Variants in SLC24A4 observed in about 807,000 individuals in gnomAD.
SLC24A4 encodes sodium/potassium/calcium exchanger 4.
SLC24A4 carries 53 observed loss-of-function variants against 79.0 expected under a neutral mutation model. The observed-to-expected ratio is 0.67, with a 90% CI of 0.54 to 0.84. The LOEUF (loss-of-function observed/expected upper bound fraction) is 0.84. SLC24A4 is among the 40% of genes least tolerant of loss of function. SLC24A4 has a pLI of 0.00. For missense variants in SLC24A4, 731 were observed against 822.0 expected, an observed-to-expected ratio of 0.89 and a Z score of 1.35; for synonymous variants, 323 against 323.8, an observed-to-expected ratio of 1.00 and a Z score of 0.03.
At chr14:92,342,179 G>T (rs938119610) in intron 2 of SLC24A4, among the ~76,000 whole-genome samples, 16 of 152,042 alleles carry the variant, frequency 1.1e-4, no homozygotes, top group African/African-American at 3.4e-4. Flanking sequence ...GGATCCAAGA[G>T]ATCACGGAGG....
Position 92,323,985 on chromosome 14 carries a change from T to C in SLC24A4, c.130+25T>C, listed in dbSNP as rs766408948. 1.9e-6 allele frequency: 3 copies of C among 1,603,334 alleles called. No homozygotes were observed. Among genetic ancestry groups the C allele is most frequent in the Middle Eastern group, 3.3e-4 (2 of 6,024 alleles). ...GGTGGGTGCTGGTACGGGTCCCCTCTTCCTGGGGAGTTGGGGGCTTTGGCT... is the reference window on the plus strand; with the variant it reads ...GGTGGGTGCTGGTACGGGTCCCCTCCTCCTGGGGAGTTGGGGGCTTTGGCT... On this transcript the variant is annotated intron_variant, in intron 1 of 16. Coordinates refer to ENST00000532405, the MANE Select transcript of SLC24A4 (RefSeq NM_153646.4). The surrounding 1 kb of genome is among the most constrained non-coding windows in gnomAD (Gnocchi z 4.9).
intron 2 of SLC24A4, among the ~76,000 whole-genome samples, chr14:92,403,099 G>T (rs1247724434): frequency 6.6e-6 from 1 of 152,106 alleles, no homozygotes; most frequent in East Asian, 1.9e-4. Context: ...AGGGGACAGG[G>T]AGTTGAGAAG....
intron 10 of SLC24A4, chr14:92,453,223 T>A (rs1260296688): frequency 6.6e-6 from 1 of 152,302 alleles, no homozygotes. Context: ...TGTCAGGGTT[T>A]ATAGTCACTG....
intron 3 of SLC24A4, among the ~76,000 whole-genome samples, chr14:92,437,703 C>G (rs573824206): frequency 4.8e-4 from 73 of 152,276 alleles, no homozygotes; most frequent in African/African-American, 1.7e-3. Context: ...TGCTGGATCT[C>G]AAGTTGCCAT....
At chr14:92,462,082 C>T (rs1208034738) in intron 12 of SLC24A4, 2 of 152,200 alleles carry the variant, frequency 1.3e-5, no homozygotes, top group Admixed American at 1.3e-4. Context: ...TGCGGGGCTC[C>T]CCGAGTCACA....
rs144083180 is a variant in SLC24A4, at chr14:92,488,196, C to T, written c.1537+1416C>T. Among the ~76,000 whole-genome samples, 1,247 of 152,014 alleles carry T rather than the reference C, an allele frequency of 8.2e-3. 17 individuals carry two copies. Among genetic ancestry groups the T allele is most frequent in the African/African-American group, 0.029 (1,186 of 41,468 alleles). On this transcript the variant is annotated intron_variant, in intron 14 of 16. Transcript: ENST00000532405. ...AAGCGGTTCTCCTGCCTCACCCTTCCGAGTAGCCAGGACTACGGGCACATG... is the reference window on the plus strand; with the variant it reads ...AAGCGGTTCTCCTGCCTCACCCTTCTGAGTAGCCAGGACTACGGGCACATG...
intron 2 of SLC24A4, among the ~76,000 whole-genome samples, chr14:92,415,646 T>C (rs1890938597): frequency 1.3e-5 from 2 of 152,060 alleles, no homozygotes; most frequent in Non-Finnish European, 1.5e-5. Flanking sequence ...TTAGTAGAGA[T>C]GGGGTTTCAC....
intron 13 of SLC24A4, chr14:92,483,769 T>C: frequency 3.9e-6 from 5 of 1,290,074 alleles, no homozygotes; most frequent in South Asian, 1.2e-5. Flanking sequence ...GCTGCAGTTC[T>C]GTTGATTGTG....
intron 2 of SLC24A4, among the ~76,000 whole-genome samples, chr14:92,423,425 G>T (rs1891396715): frequency 6.6e-6 from 1 of 152,126 alleles, no homozygotes; most frequent in Admixed American, 6.5e-5. Context: ...CTCCTAAAGT[G>T]CTGGGATTAC....
intron 2 of SLC24A4, among the ~76,000 whole-genome samples, chr14:92,386,524 G>A (rs67059003): frequency 0.075 from 11,466 of 152,176 alleles, 497 homozygotes; most frequent in Non-Finnish European, 0.085. Flanking sequence ...CCTTTCTTCT[G>A]GGTGATGGGG....
intron 2 of SLC24A4, among the ~76,000 whole-genome samples, chr14:92,327,091 G>A (rs950903031): frequency 1.3e-5 from 2 of 152,236 alleles, no homozygotes; most frequent in African/African-American, 4.8e-5. Context: ...CACAGAACTC[G>A]TAAGTGGTGA....
chr14:92,491,749 A>G lies in SLC24A4; in HGVS notation c.1622A>G (p.Gln541Arg). The change falls in exon 15 of 17, where the codon CAG becomes CGG. Residue 541 changes from glutamine (Q) to arginine (R), a missense_variant. By Grantham distance (43) the Gln-to-Arg change is conservative. Coordinates refer to ENST00000532405, the MANE Select transcript of SLC24A4 (RefSeq NM_153646.4). Reference protein sequence around the residue: ...LVGLGVPWGLQTMVVNYGSTV... With the variant: ...LVGLGVPWGLRTMVVNYGSTV... ...GGACTTGGTGTACCGTGGGGCCTGC[A>G]GACCATGGTTGTTAATTATGGATCA... 2 of 1,613,784 alleles carry G rather than the reference A, an allele frequency of 1.2e-6. No individual in the cohort carries two copies.
chr14:92,442,148 G>A lies in SLC24A4; in HGVS notation c.453G>A (p.Thr151=), dbSNP rs373346104. 12 of 1,613,642 alleles carry A rather than the reference G, an allele frequency of 7.4e-6. No individual in the cohort carries two copies. Among genetic ancestry groups the A allele is most frequent in the South Asian group, 1.1e-5 (1 of 91,072 alleles). Residue 151 remains threonine (T), a synonymous_variant, in exon 5 of 17, where the codon ACG becomes ACA. Transcript: ENST00000532405. ...CCTTCATGGCTGCAGGAAGCTCAACGCCAGAGCTGTTTGCGTCTGTTATTG... is the reference window on the plus strand; with the variant it reads ...CCTTCATGGCTGCAGGAAGCTCAACACCAGAGCTGTTTGCGTCTGTTATTG... The part of the protein sequence containing the change: ...GATFMAAGSS[T]PELFASVIGV...
chr14:92,344,123 T>C (rs530423912), intron 2 of SLC24A4, among the ~76,000 whole-genome samples: 1 of 152,364 alleles, frequency 6.6e-6, no homozygotes, highest in South Asian at 2.1e-4. Flanking sequence ...ACTTCAGACA[T>C]GGACATGTGA....
chr14:92,442,600 G>A (rs747979021), intron 5 of SLC24A4, 113 bp from the exon 6 acceptor site: 33 of 713,626 alleles, frequency 4.6e-5, no homozygotes, highest in Admixed American at 1.4e-4. Flanking sequence ...CCGCTTCACG[G>A]GTGCTCTGTT....
Position 92,357,165 on chromosome 14 carries a change from T to C in SLC24A4, c.241+31187T>C, listed in dbSNP as rs373161298. On this transcript the variant is annotated intron_variant, in intron 2 of 16. Coordinates refer to ENST00000532405, the MANE Select transcript of SLC24A4 (RefSeq NM_153646.4). ...GAGGGGCAACTTGATGTTTCATTCT[T>C]CCTTGGAGGATTAGGATTAGGGTCA... is the stretch of plus-strand genomic sequence containing the variant. 8.5e-5 allele frequency among the ~76,000 whole-genome samples: 13 copies of C among 152,340 alleles called. No individual in the cohort carries two copies. In the East Asian group the frequency reaches 2.3e-3, roughly 27 times the overall value.
At chr14:92,470,460 C>T (rs1358849355) in intron 12 of SLC24A4, among the ~76,000 whole-genome samples, 3 of 152,184 alleles carry the variant, frequency 2.0e-5, no homozygotes, top group Non-Finnish European at 4.4e-5. Context: ...TCATCAGCAA[C>T]TGCATCTGTT....
chr14:92,500,935 A>C lies in SLC24A4; in HGVS notation c.*7307A>C, dbSNP rs968142994. On this transcript the variant is annotated 3_prime_UTR_variant, in exon 17 of 17. Transcript: ENST00000532405. ...TTGCTAAGGAAGGGGCCGAGCCAGGAGAGGCCAGGCAGATCCACAAAGCCC... is the reference window on the plus strand; with the variant it reads ...TTGCTAAGGAAGGGGCCGAGCCAGGCGAGGCCAGGCAGATCCACAAAGCCC... 7 of 152,346 alleles carry C rather than the reference A, an allele frequency of 4.6e-5. No homozygotes were observed. The highest frequency in any genetic ancestry group is 1.0e-4 in the Non-Finnish European group (7 of 68,128). 9.4% of individuals were successfully genotyped at this position (152,346 alleles called of 1,614,324 possible).
intron 2 of SLC24A4, among the ~76,000 whole-genome samples, chr14:92,407,873 G>A (rs1216634781): frequency 1.6e-5 from 2 of 125,374 alleles, no homozygotes; most frequent in East Asian, 4.4e-4. Flanking sequence ...GTGTGTGTGT[G>A]TGTGTGTGTG....
Sources: gnomAD v4.1 joint callset for allele counts (sites outside exome capture counted in the v4.1 genomes callset) on GRCh38, gnomAD v4.1.1 for gene constraint, Gnocchi (gnomAD v3.1) non-coding constraint, MANE v1.5 for transcripts, NCBI Gene and HGNC (gene_info 2026-07-23, HGNC 2026-07-21) for gene names.